Variants in ULK4 observed in about 807,000 individuals in gnomAD.
ULK4 encodes the protein inactive serine/threonine-protein kinase ULK4.
A neutral mutation model predicts 160.6 loss-of-function variants in ULK4; 133 were observed. The observed-to-expected ratio is 0.83, with a 90% CI of 0.72 to 0.96. The LOEUF is 0.96. Among genes scored for constraint, ULK4 ranks in the 40% least tolerant of loss-of-function variants. The probability of loss-of-function intolerance (pLI) is 0.00; values close to 1 mark genes in which losing one functional copy is unlikely to be tolerated. For synonymous variants in ULK4, 534 were observed against 539.8 expected (o/e 0.99, Z 0.15); for missense variants, 1,580 against 1,499.5 (o/e 1.05, Z -0.89).
intron 2 of ULK4, among the ~76,000 whole-genome samples, chr3:41,951,282 C>T (rs147567300): frequency 5.1e-4 from 77 of 150,596 alleles, no homozygotes; most frequent in Admixed American, 1.5e-3. Context: ...GCAATGTATG[C>T]ATTCAATGCA....
At position 41,896,884 on chromosome 3, in the gene ULK4, A is replaced by T; in HGVS notation, c.1468T>A (p.Cys490Ser). 6.2e-7 allele frequency: 1 copy of T among 1,613,602 alleles called. No homozygotes were observed. The highest frequency in any genetic ancestry group is 8.5e-7 in the Non-Finnish European group (1 of 1,179,852). The change falls in exon 15 of 37, where the codon TGC becomes AGC. Residue 490 changes from cysteine to serine, a missense_variant. Coordinates refer to ENST00000301831, the MANE Select transcript of ULK4 (RefSeq NM_017886.4). ...TGACCAGCCACCACGCACAAATAGC[A>T]AAGGAGATTCAGCTTGGCTCGGGAG... Reference protein sequence around the residue: ...GASRAKLNLLCYLCVVAGHQE... With the variant: ...GASRAKLNLLSYLCVVAGHQE...
chr3:41,828,897 A>G (rs1383649470), intron 18 of ULK4, among the ~76,000 whole-genome samples: 2 of 151,284 alleles, frequency 1.3e-5, no homozygotes, highest in South Asian at 2.1e-4. Context: ...TTCAAACTAT[A>G]CTACAAGGCT....
At chr3:41,258,035 T>A (rs1212762866) in intron 35 of ULK4, among the ~76,000 whole-genome samples, 1 of 152,128 alleles carries the variant, frequency 6.6e-6, no homozygotes, top group Non-Finnish European at 1.5e-5. Context: ...GGCTCTGAAA[T>A]GAATGATCCT....
In ULK4 at chr3:41,604,744, T is replaced by C. The variant is rs534089773; in HGVS notation, c.3120+10925A>G. Among the ~76,000 whole-genome samples the C allele has an allele frequency of 1.0e-3, 157 of 152,262 alleles. 1 individual carries two copies. Among genetic ancestry groups the C allele is most frequent in the African/African-American group, 3.7e-3 (153 of 41,566 alleles). ...GTCAAGCTACAGCCAGGGCCAACTC[T>C]ACATGTTTCTGTGCCTGTCTTATAC... On this transcript the variant is annotated intron_variant, in intron 31 of 36. Transcript: ENST00000301831.
At chr3:41,569,783 C>G (rs1279598832) in intron 31 of ULK4, among the ~76,000 whole-genome samples, 2 of 103,706 alleles carry the variant, frequency 1.9e-5, no homozygotes, top group Non-Finnish European at 4.5e-5. Flanking sequence ...GAATGACTAC[C>G]CTACATTTTT....
At chr3:41,341,530 C>T (rs1445464688) in intron 35 of ULK4, among the ~76,000 whole-genome samples, 1 of 152,146 alleles carries the variant, frequency 6.6e-6, no homozygotes, top group African/African-American at 2.4e-5. Flanking sequence ...AAGATCTTGC[C>T]CTGACCCACT....
At chr3:41,342,398 T>C (rs73831325) in intron 35 of ULK4, among the ~76,000 whole-genome samples, 7,124 of 152,248 alleles carry the variant, frequency 0.047, 409 homozygotes, top group East Asian at 0.19. Context: ...TATGTTACAA[T>C]AAAAGCTGAT....
At chr3:41,485,080 A>G (rs1028513761) in intron 32 of ULK4, among the ~76,000 whole-genome samples, 3 of 152,204 alleles carry the variant, frequency 2.0e-5, no homozygotes, top group African/African-American at 7.2e-5. Flanking sequence ...TAAGTGCTTT[A>G]CCATATCTAA....
chr3:41,267,344 T>C (rs923461299), intron 35 of ULK4, among the ~76,000 whole-genome samples: 2 of 152,150 alleles, frequency 1.3e-5, no homozygotes, highest in Admixed American at 6.5e-5. Context: ...GACATGATCT[T>C]ATTCCTTTTT....
At chr3:41,493,775 C>A (rs2084883065) in intron 32 of ULK4, among the ~76,000 whole-genome samples, 1 of 148,460 alleles carries the variant, frequency 6.7e-6, no homozygotes, top group Admixed American at 6.7e-5. Flanking sequence ...GAAATACAAA[C>A]TACCATCAGA....
chr3:41,950,641 G>A (rs538355787), intron 2 of ULK4, among the ~76,000 whole-genome samples: 10 of 151,964 alleles, frequency 6.6e-5, no homozygotes, highest in East Asian at 2.0e-4. Context: ...CGCCTGCCTC[G>A]GTCTCTCCAA....
chr3:41,857,318 C>A (rs2042384192), intron 17 of ULK4, among the ~76,000 whole-genome samples: 1 of 152,128 alleles, frequency 6.6e-6, no homozygotes, highest in Admixed American at 6.6e-5. Context: ...AATGATATTT[C>A]CAATGTAGTG....
chr3:41,927,055 A>G (rs963336338), intron 5 of ULK4, among the ~76,000 whole-genome samples: 5 of 152,190 alleles, frequency 3.3e-5, no homozygotes, highest in Non-Finnish European at 4.4e-5. Flanking sequence ...TGTCAGATTC[A>G]CCAAGGTTAA....
intron 22 of ULK4, among the ~76,000 whole-genome samples, chr3:41,728,169 T>A (rs556563896): frequency 6.6e-5 from 10 of 152,198 alleles, no homozygotes; most frequent in African/African-American, 1.9e-4. Context: ...AGGCCATGCA[T>A]GGATGGTATT....
At chr3:41,524,853 G>A (rs775389370) in intron 32 of ULK4, among the ~76,000 whole-genome samples, 3 of 152,082 alleles carry the variant, frequency 2.0e-5, no homozygotes, top group African/African-American at 4.8e-5. Context: ...CAGGGGAATC[G>A]CTTGAACCCA....
chr3:41,731,904 G>A (rs548490450), intron 22 of ULK4, among the ~76,000 whole-genome samples: 18 of 152,114 alleles, frequency 1.2e-4, no homozygotes, highest in South Asian at 8.3e-4. Context: ...TTCAATAAAC[G>A]AAGTTGGGAA....
chr3:41,491,798 G>A (rs1458985163), intron 32 of ULK4, among the ~76,000 whole-genome samples: 2 of 151,484 alleles, frequency 1.3e-5, no homozygotes, highest in African/African-American at 2.4e-5. Flanking sequence ...AGTTACATAT[G>A]TATACATGTG....
chr3:41,542,607 C>A (rs1170636358), intron 32 of ULK4, among the ~76,000 whole-genome samples: 1 of 152,160 alleles, frequency 6.6e-6, no homozygotes, highest in Non-Finnish European at 1.5e-5. Flanking sequence ...ACAAGCTCCT[C>A]TTTGTACCTC....
chr3:41,678,288 A>G (rs2035803705), intron 29 of ULK4, among the ~76,000 whole-genome samples: 1 of 151,526 alleles, frequency 6.6e-6, no homozygotes, highest in African/African-American at 2.4e-5. Context: ...CTTACAACTG[A>G]GCCTTTGTTC....
Sources: gnomAD v4.1 joint callset for allele counts (sites outside exome capture counted in the v4.1 genomes callset) on GRCh38, gnomAD v4.1.1 for gene constraint, MANE v1.5 for transcripts, NCBI Gene and HGNC (gene_info 2026-07-23, HGNC 2026-07-21) for gene names.